Variants in MIS18BP1 observed in about 807,000 individuals in gnomAD.
MIS18BP1 encodes mis18-binding protein 1.
In MIS18BP1, 72 loss-of-function variants were observed where a neutral mutation model predicts 116.1. The observed-to-expected ratio is 0.62, with a 90% confidence interval of 0.51 to 0.75. The LOEUF is 0.75. Ranked by LOEUF, MIS18BP1 falls within the 30% of genes least tolerant of loss-of-function variation. MIS18BP1 has a pLI of 0.00. For synonymous variants in MIS18BP1, 386 were observed against 427.0 expected (o/e 0.90, Z 1.18); for missense variants, 1,363 against 1,303.2 (o/e 1.05, Z -0.71).
Position 45,237,730 on chromosome 14 carries a change from G to C in MIS18BP1, c.1144-9C>G, listed in dbSNP as rs746626749. 3 of 1,587,640 alleles carry C rather than the reference G, an allele frequency of 1.9e-6. No homozygotes were observed. Among genetic ancestry groups the C allele is most frequent in the Non-Finnish European group, 2.6e-6 (3 of 1,170,880 alleles). On this transcript the variant is annotated splice_polypyrimidine_tract_variant and intron_variant, in intron 4 of 16. Transcript: ENST00000310806. ...TCCTGTAGCTGAACTACCTAATCAA[G>C]TATAAAACAAAGAACATATTTCCTG...
chr14:45,235,848 T>G lies in MIS18BP1; in HGVS notation c.1314A>C (p.Lys438Asn). 6.2e-7 allele frequency: 1 copy of G among 1,608,982 alleles called. No individual in the cohort carries two copies. The highest frequency in any genetic ancestry group is 8.5e-7 in the Non-Finnish European group (1 of 1,177,822). ...TCATGGAAATTTGGTCTATCATGCC[T>G]TTTAATATATAAACGTTGCCTGATA... ...RTISGNVYIL[K>N]GMIDQISMKE... The change falls in exon 6 of 17, where the codon AAA becomes AAC. Residue 438 changes from lysine to asparagine, a missense_variant. Lys to Asn is a moderately conservative substitution (Grantham distance 94). Transcript: ENST00000310806.
chr14:45,234,007 G>GA (rs972427733), intron 6 of MIS18BP1, among the ~76,000 whole-genome samples: 13 of 152,010 alleles, frequency 8.6e-5, no homozygotes, highest in African/African-American at 3.1e-4. Context: ...CCCATTATTA[G>GA]AAAAAATGGA....
intron 2 of MIS18BP1, among the ~76,000 whole-genome samples, chr14:45,245,100 T>C (rs1891689049): frequency 6.6e-6 from 1 of 152,200 alleles, no homozygotes; most frequent in Non-Finnish European, 1.5e-5. Context: ...TGCCAATTCC[T>C]CTTGTCACAT....
intron 13 of MIS18BP1, among the ~76,000 whole-genome samples, chr14:45,211,695 C>CCAT: frequency 6.6e-6 from 1 of 152,176 alleles, no homozygotes; most frequent in Non-Finnish European, 1.5e-5. Context: ...CCTGTGTATT[C>CCAT]ACAGGAGGCT....
At chr14:45,209,117 A>G (rs1335884435) in intron 14 of MIS18BP1, among the ~76,000 whole-genome samples, 1 of 151,984 alleles carries the variant, frequency 6.6e-6, no homozygotes, top group Non-Finnish European at 1.5e-5. Flanking sequence ...AGGATCACCA[A>G]TGTTTTGGTT....
At chr14:45,246,258 C>T (rs1246796613) in intron 2 of MIS18BP1, among the ~76,000 whole-genome samples, 1 of 152,114 alleles carries the variant, frequency 6.6e-6, no homozygotes, top group Non-Finnish European at 1.5e-5. Context: ...TTATCTGACC[C>T]ACTCTTATTT....
intron 7 of MIS18BP1, chr14:45,232,436 A>AAC (rs1029617939): frequency 4.2e-5 from 10 of 238,924 alleles, no homozygotes; most frequent in African/African-American, 1.5e-4. Context: ...AAAAAAAAAA[A>AAC]AACAACAACA....
rs769535200 is a variant in MIS18BP1, at chr14:45,218,423, C to T, written c.2701G>A (p.Gly901Ser). 1.9e-6 allele frequency: 3 copies of T among 1,609,400 alleles called. No homozygotes were observed. Among genetic ancestry groups the T allele is most frequent in the Non-Finnish European group, 2.5e-6 (3 of 1,179,004 alleles). Residue 901 changes from glycine to serine, a missense_variant, in exon 12 of 17, where the codon GGT becomes AGT. By Grantham distance (56) the Gly-to-Ser change is moderately conservative. Transcript: ENST00000310806. The part of the protein sequence containing the change: ...AFASLPKHKP[G>S]FWSEVAAAVG... ...GCCGCAGCTACCTCTGACCAGAAAC[C>T]AGGTTTGTGCTTTGGAAGAGATGCA...
Position 45,217,139 on chromosome 14 carries a change from T to TA in MIS18BP1, c.2882dup (p.Thr962AsnfsTer8). ...TTTTAAGAGTTCCCACTTTGGCAGTTATCTTAATAGTTTGTTTCTGATCAG... is the reference window on the plus strand; with the variant it reads ...TTTTAAGAGTTCCCACTTTGGCAGTTAATCTTAATAGTTTGTTTCTGATCAG... On this transcript the variant is annotated frameshift_variant, in exon 13 of 17. Transcript: ENST00000310806. LOFTEE classifies it high-confidence loss of function. 1 of 1,614,152 alleles carries TA rather than the reference T, an allele frequency of 6.2e-7. No individual in the cohort carries two copies. The highest frequency in any genetic ancestry group is 8.5e-7 in the Non-Finnish European group (1 of 1,180,020).
chr14:45,205,614 A>C (rs1890493029), intron 15 of MIS18BP1, among the ~76,000 whole-genome samples: 1 of 152,160 alleles, frequency 6.6e-6, no homozygotes, highest in African/African-American at 2.4e-5. Flanking sequence ...AAATGTTAGA[A>C]TGTAAAAAAA....
intron 4 of MIS18BP1, among the ~76,000 whole-genome samples, chr14:45,240,903 AAAAT>A (rs1297097801): frequency 2.0e-5 from 3 of 152,202 alleles, no homozygotes; most frequent in African/African-American, 7.2e-5. Flanking sequence ...CTCTGTCTCC[AAAAT>A]AAATAAATAA....
rs528597715 is a variant in MIS18BP1 at position 45,213,729 on chromosome 14, AAAAG to A, written c.3004-3205_3004-3202del. The stretch of plus-strand genomic sequence containing the variant: ...CCAAGCAGTGTTAACCATTGTGGGG[AAAAG>A]AAAGAGAGATCAGACTGTTACTGTG... On this transcript the variant is annotated intron_variant, in intron 13 of 16. Coordinates refer to ENST00000310806, the MANE Select transcript of MIS18BP1 (RefSeq NM_018353.5). 7.2e-4 allele frequency among the ~76,000 whole-genome samples: 109 copies of A among 152,166 alleles called. 1 individual carries two copies. Among genetic ancestry groups the A allele is most frequent in the African/African-American group, 2.6e-3 (108 of 41,428 alleles).
chr14:45,208,329 TG>T (rs372370539), intron 14 of MIS18BP1, among the ~76,000 whole-genome samples: 83 of 144,340 alleles, frequency 5.8e-4, no homozygotes, highest in African/African-American at 1.3e-3. Flanking sequence ...AGGATGAAGT[TG>T]TTTTTTTTTT....
chr14:45,251,830 ATTTC>A (rs1332990388), intron 1 of MIS18BP1, among the ~76,000 whole-genome samples: 2 of 152,228 alleles, frequency 1.3e-5, no homozygotes, highest in African/African-American at 4.8e-5. Context: ...AAACAGTGAG[ATTTC>A]TTTTTCATAT....
chr14:45,209,666 A>C lies in MIS18BP1; in HGVS notation c.3152+714T>G, dbSNP rs559400402. On this transcript the variant is annotated intron_variant, in intron 14 of 16. Coordinates refer to ENST00000310806, the MANE Select transcript of MIS18BP1 (RefSeq NM_018353.5). ...ATAATGGACCAGAGTTCATTTAATT[A>C]GTCCCTACTGATAGATTTTTGAGGT... Among the ~76,000 whole-genome samples, 12 of 152,298 alleles carry C rather than the reference A, an allele frequency of 7.9e-5. No individual in the cohort carries two copies. The South Asian group carries it at 1.0e-3, about 13-fold the overall frequency.
intron 1 of MIS18BP1, among the ~76,000 whole-genome samples, chr14:45,251,501 T>G (rs998476701): frequency 5.9e-5 from 9 of 152,152 alleles, no homozygotes; most frequent in African/African-American, 2.2e-4. Context: ...TTGTAAGAAT[T>G]TACTGTAGTG....
chr14:45,229,750 C>T (rs1439194880), intron 8 of MIS18BP1, among the ~76,000 whole-genome samples: 1 of 152,156 alleles, frequency 6.6e-6, no homozygotes, highest in Non-Finnish European at 1.5e-5. Flanking sequence ...GTGAGATATA[C>T]TGTCAAGGAT....
intron 4 of MIS18BP1, 64 bp downstream of exon 4, chr14:45,241,970 A>T: frequency 2.0e-6 from 3 of 1,487,070 alleles, no homozygotes; most frequent in Non-Finnish European, 2.7e-6. Flanking sequence ...GAACATTAAA[A>T]GCTCAAGCTC....
At chr14:45,231,012 TG>T in intron 8 of MIS18BP1, 128 bp downstream of exon 8, 1 of 818,086 alleles carries the variant, frequency 1.2e-6, no homozygotes, top group Non-Finnish European at 1.8e-6. Context: ...AGCAGGAATG[TG>T]GGGGCAGTAT....
Sources: gnomAD v4.1 joint callset for allele counts (sites outside exome capture counted in the v4.1 genomes callset) on GRCh38, gnomAD v4.1.1 for gene constraint, MANE v1.5 for transcripts, NCBI Gene and HGNC (gene_info 2026-07-23, HGNC 2026-07-21) for gene names.